MAP3K4: variants seen among roughly 807,000 people sequenced by gnomAD.
MAP3K4 encodes MAP three kinase 1.
A neutral mutation model predicts 185.6 loss-of-function variants in MAP3K4; 67 were observed. The observed-to-expected ratio is 0.36, with a 90% confidence interval of 0.30 to 0.44. The LOEUF (loss-of-function observed/expected upper bound fraction) is 0.44. Among genes scored for constraint, MAP3K4 ranks in the 20% least tolerant of loss-of-function variants. The pLI is 1.00. For missense variants in MAP3K4, 1,551 were observed against 1,995.1 expected (o/e 0.78, Z 4.24); for synonymous variants, 702 against 710.4 (o/e 0.99, Z 0.19).
rs774200089 is a variant in MAP3K4 at position 161,087,811 on chromosome 6, G to A, written c.2680G>A (p.Asp894Asn). The A allele has an allele frequency of 1.9e-6, 3 of 1,614,162 alleles. No individual in the cohort carries two copies. The East Asian group carries it at 6.7e-5, about 36-fold the overall frequency. ...AAAGGACTGTTCAAAAGATTCAGAT[G>A]ACGTACTCATCGATGCCTATCTGCT... ...AGKDCSKDSDDVLIDAYLLLT... is the reference protein window; with the variant it reads ...AGKDCSKDSDNVLIDAYLLLT... The change falls in exon 10 of 27, where the codon GAC becomes AAC. Residue 894 changes from aspartate to asparagine, a missense_variant. Transcript: ENST00000392142. The surrounding 1 kb of genome is among the most constrained non-coding windows in gnomAD (Gnocchi z 4.9).
At chr6:161,069,385 A>C (rs1009595187) in intron 3 of MAP3K4, among the ~76,000 whole-genome samples, 1 of 152,158 alleles carries the variant, frequency 6.6e-6, no homozygotes, top group Admixed American at 6.5e-5. Flanking sequence ...TTGAAGTGGA[A>C]AATAAAGAGG....
chr6:161,089,243 T>G, intron 10 of MAP3K4, 79 bp from the exon 11 acceptor site: 1 of 1,475,640 alleles, frequency 6.8e-7, no homozygotes, highest in East Asian at 2.3e-5. Context: ...ATTGGCATTG[T>G]TTTTGGACTG....
Position 161,073,748 on chromosome 6 carries a change from A to G in MAP3K4, c.2097+136A>G, listed in dbSNP as rs1485561954. On this transcript the variant is annotated intron_variant, in intron 5 of 26. Coordinates refer to ENST00000392142, the MANE Select transcript of MAP3K4 (RefSeq NM_005922.4). This position sits in a 1 kb window ranked among gnomAD's most constrained non-coding sequence, Gnocchi z 4.2. ...ACTTCTCTAGTAATGAATTATAGAA[A>G]TGATCCCTGAAAGTATAGCTTGTGT... is the stretch of plus-strand genomic sequence containing the variant. The G allele has an allele frequency of 2.2e-6, 2 of 890,536 alleles. No individual in the cohort carries two copies. The highest frequency in any genetic ancestry group is 3.5e-5 in the African/African-American group (2 of 57,826). 55.2% of individuals were successfully genotyped at this position (890,536 alleles called of 1,614,324 possible). A position where few individuals can be genotyped will look rare whatever the true frequency, so the allele number is the denominator to read the frequency against.
At chr6:160,992,901 C>T (rs570150831) in intron 1 of MAP3K4, among the ~76,000 whole-genome samples, 4 of 152,084 alleles carry the variant, frequency 2.6e-5, no homozygotes, top group Admixed American at 6.5e-5. Context: ...GTTCAAATGT[C>T]CTCTTACTCC....
At position 161,013,309 on chromosome 6, in the gene MAP3K4, C is replaced by G. The variant is rs12664212; in HGVS notation, c.153-20950C>G. Among the ~76,000 whole-genome samples, 1,288 of 152,152 alleles carry G rather than the reference C, an allele frequency of 8.5e-3. 103 individuals are homozygous for G. The East Asian group carries it at 0.19, about 23-fold the overall frequency. Reference sequence around the variant, plus strand: ...TCTTTTCATTTTGTTTGCTCGTTTTCTTGTTGGTATTTTGCAGCTTTTCTT... The same window carrying G: ...TCTTTTCATTTTGTTTGCTCGTTTTGTTGTTGGTATTTTGCAGCTTTTCTT... On this transcript the variant is annotated intron_variant, in intron 1 of 26. Transcript: ENST00000392142.
Position 161,051,776 on chromosome 6 carries a change from A to G in MAP3K4, c.1707+1797A>G, listed in dbSNP as rs1562507660. 6.6e-6 allele frequency among the ~76,000 whole-genome samples: 1 copy of G among 152,188 alleles called. No homozygotes were observed. Among genetic ancestry groups the G allele is most frequent in the Non-Finnish European group, 1.5e-5 (1 of 68,024 alleles). Reference sequence around the variant, plus strand: ...TCCTCCTGTATGCTTTAAATCATCTATAGATTACTTATAATACCTAATACA... The same window carrying G: ...TCCTCCTGTATGCTTTAAATCATCTGTAGATTACTTATAATACCTAATACA... On this transcript the variant is annotated intron_variant, in intron 3 of 26. Transcript: ENST00000392142. The surrounding 1 kb of genome is among the most constrained non-coding windows in gnomAD (Gnocchi z 4.2).
chr6:161,059,220 C>G (rs1182333518), intron 3 of MAP3K4, among the ~76,000 whole-genome samples: 1 of 152,078 alleles, frequency 6.6e-6, no homozygotes, highest in East Asian at 1.9e-4. Flanking sequence ...ATGGCAGCCT[C>G]CACCTCCCAA....
chr6:161,080,606 T>C lies in MAP3K4; in HGVS notation c.2098-275T>C. 1 of 380,902 alleles carries C rather than the reference T, an allele frequency of 2.6e-6. No individual in the cohort carries two copies. Among genetic ancestry groups the C allele is most frequent in the Non-Finnish European group, 4.8e-6 (1 of 206,812 alleles). The allele number at this position is 380,902 out of a possible 1,614,324, so 23.6% of individuals were successfully genotyped here. ...TACTGTTCTTTTGATTTTTTCCCCT[T>C]TATTGTAGATTGTGAACATTTTTGT... On this transcript the variant is annotated intron_variant, in intron 5 of 26. Transcript: ENST00000392142. This position sits in a 1 kb window ranked among gnomAD's most constrained non-coding sequence, Gnocchi z 4.8.
intron 3 of MAP3K4, among the ~76,000 whole-genome samples, chr6:161,068,602 T>G (rs540191237): frequency 3.9e-5 from 6 of 152,322 alleles, no homozygotes; most frequent in African/African-American, 1.4e-4. Context: ...AAAATCACTT[T>G]GTGGGTTATT....
intron 2 of MAP3K4, among the ~76,000 whole-genome samples, chr6:161,035,689 C>T (rs889234397): frequency 6.6e-6 from 1 of 152,154 alleles, no homozygotes; most frequent in Admixed American, 6.5e-5. Flanking sequence ...TGTACATTTT[C>T]TCAAAGAAAT....
rs938447596 is a variant in MAP3K4, at chr6:161,116,769, C to T, written c.4807-81C>T. The T allele has an allele frequency of 8.0e-7, 1 of 1,256,530 alleles. No homozygotes were observed. The highest frequency in any genetic ancestry group is 1.5e-5 in the African/African-American group (1 of 67,994). 77.8% of individuals were successfully genotyped at this position (1,256,530 alleles called of 1,614,324 possible). A position where few individuals can be genotyped will look rare whatever the true frequency, so the allele number is the denominator to read the frequency against. ...CATCAGGATGAGTGGATGGGGCCTT[C>T]CCCGTAAGACTCATACTGCGCGTAT... On this transcript the variant is annotated intron_variant, in intron 26 of 26. Transcript: ENST00000392142. The surrounding 1 kb of genome is among the most constrained non-coding windows in gnomAD (Gnocchi z 6.2).
In MAP3K4 at chr6:161,097,145, C is replaced by T. The variant is rs769384949; in HGVS notation, c.3493C>T (p.His1165Tyr). The change falls in exon 16 of 27, where the codon CAC becomes TAC. Residue 1165 changes from histidine to tyrosine, a missense_variant. This residue lies in a region of MAP3K4 where 272 missense variants were observed against 301.2 expected (regional missense o/e 0.90). Coordinates refer to ENST00000392142, the MANE Select transcript of MAP3K4 (RefSeq NM_005922.4). The surrounding 1 kb of genome is among the most constrained non-coding windows in gnomAD (Gnocchi z 4.9). ...PRCHSDPPNP[H>Y]LIIPTPEGFS... Reference sequence around the variant, plus strand: ...ATGCCATAGTGACCCTCCTAACCCACACCTCATTATCCCCACTCCAGAGGG... The same window carrying T: ...ATGCCATAGTGACCCTCCTAACCCATACCTCATTATCCCCACTCCAGAGGG... 6.2e-6 allele frequency: 10 copies of T among 1,614,180 alleles called. No individual in the cohort carries two copies. Among genetic ancestry groups the T allele is most frequent in the Non-Finnish European group, 8.5e-6 (10 of 1,180,018 alleles).
rs1777567196 is a variant in MAP3K4 at position 161,096,248 on chromosome 6, C to T, written c.3428-832C>T. On this transcript the variant is annotated intron_variant, in intron 15 of 26. Transcript: ENST00000392142. The surrounding 1 kb of genome is among the most constrained non-coding windows in gnomAD (Gnocchi z 4.9). Reference sequence around the variant, plus strand: ...AATAGGAAACAAAATCATGAAGAAACAGGATTTCCATTTAGGATAAAACCT... The same window carrying T: ...AATAGGAAACAAAATCATGAAGAAATAGGATTTCCATTTAGGATAAAACCT... Among the ~76,000 whole-genome samples the T allele has an allele frequency of 6.6e-6, 1 of 151,604 alleles. No homozygotes were observed. Among genetic ancestry groups the T allele is most frequent in the African/African-American group, 2.4e-5 (1 of 40,992 alleles).
intron 7 of MAP3K4, among the ~76,000 whole-genome samples, chr6:161,085,027 A>T (rs1476876755): frequency 6.6e-6 from 1 of 152,104 alleles, no homozygotes; most frequent in Non-Finnish European, 1.5e-5. Context: ...CGCACCCGTG[A>T]TCCCAGCTAT....
chr6:161,098,295 C>G lies in MAP3K4; in HGVS notation c.3542C>G (p.Ser1181Cys). 1.2e-6 allele frequency: 2 copies of G among 1,612,438 alleles called. No homozygotes were observed. Among genetic ancestry groups the G allele is most frequent in the Non-Finnish European group, 8.5e-7 (1 of 1,179,750 alleles). ...TGTCTTAGCACTCGGAGCATGCCTTCCGACGCGCGGAGCCATGGCAGCCCT... is the reference window on the plus strand; with the variant it reads ...TGTCTTAGCACTCGGAGCATGCCTTGCGACGCGCGGAGCCATGGCAGCCCT... ...PEGFSTRSMP[S>C]DARSHGSPAA... The change falls in exon 17 of 27, where the codon TCC (serine) becomes TGC (cysteine). Residue 1181 changes from serine (S) to cysteine (C), a missense_variant. Ser to Cys is a moderately radical substitution (Grantham distance 112). This residue lies in a region of MAP3K4 where 272 missense variants were observed against 301.2 expected (regional missense o/e 0.90). Coordinates refer to ENST00000392142, the MANE Select transcript of MAP3K4 (RefSeq NM_005922.4). This position sits in a 1 kb window ranked among gnomAD's most constrained non-coding sequence, Gnocchi z 4.4.
intron 3 of MAP3K4, among the ~76,000 whole-genome samples, chr6:161,065,720 T>C (rs148087231): frequency 0.016 from 2,482 of 152,194 alleles, 67 homozygotes; most frequent in African/African-American, 0.057. Flanking sequence ...GGGTGGATCA[T>C]GAGATCAGGA....
In MAP3K4 at chr6:161,077,456, A is replaced by C. The variant is rs1377347952; in HGVS notation, c.2098-3425A>C. ...ACTTATAAAGAGAGGGATCAAGAGAAGCCCCTTTTTGGTAGCAGGTGCGGT... is the reference window on the plus strand; with the variant it reads ...ACTTATAAAGAGAGGGATCAAGAGACGCCCCTTTTTGGTAGCAGGTGCGGT... On this transcript the variant is annotated intron_variant, in intron 5 of 26. Transcript: ENST00000392142. The surrounding 1 kb of genome is among the most constrained non-coding windows in gnomAD (Gnocchi z 4.3). 6.6e-6 allele frequency among the ~76,000 whole-genome samples: 1 copy of C among 152,200 alleles called. No individual in the cohort carries two copies. The highest frequency in any genetic ancestry group is 1.5e-5 in the Non-Finnish European group (1 of 68,028).
In MAP3K4 at chr6:161,096,586, C is replaced by T. The variant is rs1488861932; in HGVS notation, c.3428-494C>T. The T allele has an allele frequency of 6.6e-6, 1 of 151,952 alleles. No homozygotes were observed. Among genetic ancestry groups the T allele is most frequent in the Non-Finnish European group, 1.5e-5 (1 of 68,008 alleles). 9.4% of individuals were successfully genotyped at this position (151,952 alleles called of 1,614,324 possible). A position where few individuals can be genotyped will look rare whatever the true frequency, so the allele number is the denominator to read the frequency against. On this transcript the variant is annotated intron_variant, in intron 15 of 26. Coordinates refer to ENST00000392142, the MANE Select transcript of MAP3K4 (RefSeq NM_005922.4). This position sits in a 1 kb window ranked among gnomAD's most constrained non-coding sequence, Gnocchi z 4.9. ...TAAAAGAAAAAGAGAAGAAAACATGCTCTTGAAAAAAATGACTCAGTTAAA... is the reference window on the plus strand; with the variant it reads ...TAAAAGAAAAAGAGAAGAAAACATGTTCTTGAAAAAAATGACTCAGTTAAA...
At chr6:160,994,287 C>T (rs1004769316) in intron 1 of MAP3K4, among the ~76,000 whole-genome samples, 7 of 152,162 alleles carry the variant, frequency 4.6e-5, no homozygotes. Flanking sequence ...CTATTCCTCA[C>T]CCCGCTCTGA....
Sources: allele counts gnomAD v4.1 joint callset (sites outside exome capture counted in the v4.1 genomes callset), GRCh38; gene constraint gnomAD v4.1.1; regional missense constraint gnomAD v4.1.1; non-coding constraint Gnocchi (gnomAD v3.1); transcripts MANE v1.5; gene names NCBI Gene and HGNC (gene_info 2026-07-23, HGNC 2026-07-21).